SYCP1: variants seen among roughly 807,000 people sequenced by gnomAD.
SYCP1 encodes synaptonemal complex protein 1.
A neutral mutation model predicts 153.1 loss-of-function variants in SYCP1; 64 were observed. The observed-to-expected ratio is 0.42, with a 90% CI of 0.34 to 0.51. The LOEUF is 0.51. Among genes scored for constraint, SYCP1 ranks in the 20% least tolerant of loss-of-function variants. The pLI, the probability that SYCP1 is intolerant of heterozygous loss-of-function variation, is 0.06. For synonymous variants in SYCP1, 384 were observed against 341.8 expected (o/e 1.12, Z -1.36); for missense variants, 997 against 1,049.0 (o/e 0.95, Z 0.68).
intron 15 of SYCP1, among the ~76,000 whole-genome samples, chr1:114,888,207 A>G (rs1268565602): frequency 1.3e-5 from 2 of 152,076 alleles, no homozygotes; most frequent in Non-Finnish European, 2.9e-5. Context: ...GTAATTCGAT[A>G]ATTCTAATAA....
At chr1:114,927,141 T>TA (rs1383257515) in intron 23 of SYCP1, among the ~76,000 whole-genome samples, 1 of 151,946 alleles carries the variant, frequency 6.6e-6, no homozygotes, top group Non-Finnish European at 1.5e-5. Context: ...GAAGGAAACA[T>TA]AAAAATCTTA....
At chr1:114,880,165 A>G (rs545336539) in intron 12 of SYCP1, among the ~76,000 whole-genome samples, 43 of 152,300 alleles carry the variant, frequency 2.8e-4, no homozygotes, top group Non-Finnish European at 4.3e-4. Context: ...GTCCAGTTCT[A>G]TAGCATTAAG....
intron 30 of SYCP1, among the ~76,000 whole-genome samples, chr1:114,988,368 A>G (rs1406311867): frequency 6.6e-6 from 1 of 152,016 alleles, no homozygotes; most frequent in African/African-American, 2.4e-5. Flanking sequence ...AAGACATTTT[A>G]TAATCAAACT....
chr1:114,929,416 T>C (rs1669482179), intron 23 of SYCP1, among the ~76,000 whole-genome samples: 1 of 151,678 alleles, frequency 6.6e-6, no homozygotes, highest in East Asian at 1.9e-4. Context: ...TCATGCTAGA[T>C]TAAAAAAATC....
chr1:114,856,002 A>G (rs1663912930), intron 2 of SYCP1, among the ~76,000 whole-genome samples: 1 of 152,212 alleles, frequency 6.6e-6, no homozygotes, highest in Admixed American at 6.5e-5. Flanking sequence ...CCTAGTGGAT[A>G]GGGCAAAGAG....
chr1:114,921,748 A>AGAT (rs1044386762), intron 20 of SYCP1, among the ~76,000 whole-genome samples: 6 of 152,056 alleles, frequency 3.9e-5, no homozygotes, highest in African/African-American at 1.2e-4. Context: ...GTGTATCTTC[A>AGAT]GATGATTTCT....
intron 27 of SYCP1, among the ~76,000 whole-genome samples, chr1:114,959,239 T>G (rs1233964890): frequency 6.6e-6 from 1 of 152,210 alleles, no homozygotes; most frequent in Non-Finnish European, 1.5e-5. Context: ...TTTCTCCGTT[T>G]ATTCCATTAA....
rs1382969178 is a variant in SYCP1, at chr1:114,984,845, A to G, written c.2680A>G (p.Ser894Gly). The G allele has an allele frequency of 6.9e-7, 1 of 1,451,240 alleles. No individual in the cohort carries two copies. Among genetic ancestry groups the G allele is most frequent in the Non-Finnish European group, 9.2e-7 (1 of 1,084,828 alleles). 89.9% of individuals were successfully genotyped at this position (1,451,240 alleles called of 1,614,324 possible). ...MAFEFDINSD[S>G]SETTDLLSMV... ...CTTTGAATTTGATATTAATTCAGAT[A>G]GTTCAGAAACTACTGATCTTTTGGT... The change falls in exon 30 of 32, where the codon AGT becomes GGT. Residue 894 changes from serine to glycine, a missense_variant. Ser to Gly is a moderately conservative substitution (Grantham distance 56). This residue lies in a region of SYCP1 where 712 missense variants were observed against 682.9 expected (regional missense o/e 1.04). Coordinates refer to ENST00000369522, the MANE Select transcript of SYCP1 (RefSeq NM_003176.4).
intron 26 of SYCP1, among the ~76,000 whole-genome samples, chr1:114,947,045 A>G (rs1451345117): frequency 1.3e-5 from 2 of 152,100 alleles, no homozygotes; most frequent in Admixed American, 1.3e-4. Context: ...CACTGCACCC[A>G]GCCCAAAAAC....
intron 6 of SYCP1, among the ~76,000 whole-genome samples, chr1:114,859,391 CTG>C (rs1441798809): frequency 6.6e-6 from 1 of 152,102 alleles, no homozygotes; most frequent in Non-Finnish European, 1.5e-5. Flanking sequence ...CCGGCCGAAA[CTG>C]TGTAACTTTA....
intron 23 of SYCP1, among the ~76,000 whole-genome samples, chr1:114,943,828 G>A (rs1670530960): frequency 6.6e-6 from 1 of 151,740 alleles, no homozygotes; most frequent in Non-Finnish European, 1.5e-5. Flanking sequence ...AGATAAAAGT[G>A]AATATGAAGG....
intron 23 of SYCP1, among the ~76,000 whole-genome samples, chr1:114,932,549 G>C (rs557289181): frequency 2.0e-5 from 3 of 152,256 alleles, no homozygotes; most frequent in Admixed American, 1.3e-4. Flanking sequence ...ATCCCACTGG[G>C]GCTTGTCGGA....
chr1:114,948,602 A>G (rs1670902126), intron 27 of SYCP1, among the ~76,000 whole-genome samples: 2 of 152,160 alleles, frequency 1.3e-5, no homozygotes, highest in African/African-American at 4.8e-5. Context: ...ATATGTGTGT[A>G]TTCTCATAGC....
chr1:114,921,339 GA>G (rs943572917), intron 20 of SYCP1, among the ~76,000 whole-genome samples: 1 of 151,724 alleles, frequency 6.6e-6, no homozygotes, highest in African/African-American at 2.4e-5. Flanking sequence ...TTTATGTCTG[GA>G]AAAATTGTTA....
chr1:114,920,526 T>C (rs2101713745), intron 20 of SYCP1, among the ~76,000 whole-genome samples: 1 of 152,262 alleles, frequency 6.6e-6, no homozygotes, highest in African/African-American at 2.4e-5. Context: ...GATTGATGTT[T>C]CTTTGGATGC....
intron 15 of SYCP1, among the ~76,000 whole-genome samples, chr1:114,890,411 T>C (rs1479031544): frequency 6.6e-6 from 1 of 151,782 alleles, no homozygotes; most frequent in Non-Finnish European, 1.5e-5. Flanking sequence ...GATTATACAT[T>C]TATGTAAATA....
intron 12 of SYCP1, among the ~76,000 whole-genome samples, chr1:114,882,740 A>T (rs1295741257): frequency 6.6e-6 from 1 of 151,934 alleles, no homozygotes; most frequent in African/African-American, 2.4e-5. Flanking sequence ...ACCTGGAAGG[A>T]TTTGCTTTTT....
At chr1:114,907,195 A>C (rs1263468371) in intron 16 of SYCP1, among the ~76,000 whole-genome samples, 2 of 152,100 alleles carry the variant, frequency 1.3e-5, no homozygotes, top group African/African-American at 2.4e-5. Flanking sequence ...CCTACATTTG[A>C]CTTTATATTT....
chr1:114,900,432 C>A (rs985823037), intron 16 of SYCP1, among the ~76,000 whole-genome samples: 1 of 152,116 alleles, frequency 6.6e-6, no homozygotes, highest in Non-Finnish European at 1.5e-5. Flanking sequence ...AGGCGCCCAC[C>A]ACCATGCCTG....
Sources: allele counts gnomAD v4.1 joint callset (sites outside exome capture counted in the v4.1 genomes callset), GRCh38; gene constraint gnomAD v4.1.1; regional missense constraint gnomAD v4.1.1; transcripts MANE v1.5; gene names NCBI Gene and HGNC (gene_info 2026-07-23, HGNC 2026-07-21).